The following AFAP1L1 variants were observed in gnomAD, a reference collection of about 807,000 sequenced individuals.
AFAP1L1 encodes the protein actin filament associated protein 1 like 1, also known as actin filament-associated protein 1-like 1.
In AFAP1L1, 77 loss-of-function variants were observed where a neutral mutation model predicts 99.8. The observed-to-expected ratio is 0.77, with a 90% CI of 0.64 to 0.93. The LOEUF is 0.93. Among genes scored for constraint, AFAP1L1 ranks in the 40% least tolerant of loss-of-function variants. The pLI is 0.00. For missense variants in AFAP1L1, 893 were observed against 996.8 expected (o/e 0.90, Z 1.40); for synonymous variants, 373 against 395.3 (o/e 0.94, Z 0.67).
At position 149,306,402 on chromosome 5, in the gene AFAP1L1, C is replaced by G; in HGVS notation, c.533C>G (p.Ser178Cys). 1 of 1,608,798 alleles carries G rather than the reference C, an allele frequency of 6.2e-7. No individual in the cohort carries two copies. The highest frequency in any genetic ancestry group is 8.5e-7 in the Non-Finnish European group (1 of 1,177,280). The part of the protein sequence containing the change: ...ATRVNGELKS[S>C]YNDSDAMSSS... ...AGGGTGAACGGCGAGCTTAAGAGCT[C>G]CTGTAAGTACCAGGTGGGCGTCCAG... Residue 178 changes from serine (S) to cysteine (C), a missense_variant and splice_region_variant, in exon 6 of 19, where the codon TCC (serine) becomes TGC (cysteine). Coordinates refer to ENST00000296721, the MANE Select transcript of AFAP1L1 (RefSeq NM_152406.4).
chr5:149,336,247 T>G (rs557277719), intron 18 of AFAP1L1, among the ~76,000 whole-genome samples: 1 of 152,212 alleles, frequency 6.6e-6, no homozygotes, highest in Non-Finnish European at 1.5e-5. Context: ...GGTGGTACCA[T>G]GTAAGCAAAC....
intron 16 of AFAP1L1, 65 bp downstream of exon 16, chr5:149,329,895 G>A: frequency 7.0e-7 from 1 of 1,433,626 alleles, no homozygotes; most frequent in Non-Finnish European, 9.2e-7. Context: ...TACAGTAAAG[G>A]GAGGTCTCTT....
chr5:149,329,444 ACTGT>A (rs1757188142), intron 15 of AFAP1L1, among the ~76,000 whole-genome samples: 1 of 152,150 alleles, frequency 6.6e-6, no homozygotes, highest in African/African-American at 2.4e-5. Flanking sequence ...CAAATCTCAG[ACTGT>A]CTGTTCCAAG....
chr5:149,293,816 A>G (rs767878762), intron 1 of AFAP1L1, among the ~76,000 whole-genome samples: 2 of 152,190 alleles, frequency 1.3e-5, no homozygotes, highest in East Asian at 3.8e-4. Context: ...TTCCAGCCCT[A>G]TGCGGTTGGG....
intron 15 of AFAP1L1, among the ~76,000 whole-genome samples, chr5:149,326,133 G>A (rs893340825): frequency 6.6e-6 from 1 of 152,178 alleles, no homozygotes; most frequent in Non-Finnish European, 1.5e-5. Flanking sequence ...CAGAGTGTGG[G>A]AAAGTGTAAA....
Position 149,271,925 on chromosome 5 carries a change from C to A in AFAP1L1, c.-44C>A, listed in dbSNP as rs559565437. On this transcript the variant is annotated 5_prime_UTR_variant, in exon 1 of 19. Transcript: ENST00000296721. ...CCGGCCGCTACCAGCCGCGCCGGAG[C>A]CCCTGCGCCCTGCGGCCCGCTCCCC... The A allele has an allele frequency of 1.6e-6, 2 of 1,219,564 alleles. No homozygotes were observed. The highest frequency in any genetic ancestry group is 8.2e-5 in the South Asian group (2 of 24,262). The allele number at this position is 1,219,564 out of a possible 1,614,324, so 75.5% of individuals were successfully genotyped here.
chr5:149,276,670 T>C (rs940694883), intron 1 of AFAP1L1: 4 of 67,938 alleles, frequency 5.9e-5, no homozygotes, highest in Admixed American at 2.1e-4. Context: ...GTAATTACAA[T>C]TTTTTTTTCC....
At position 149,317,885 on chromosome 5, in the gene AFAP1L1, G is replaced by A. The variant is rs141357304; in HGVS notation, c.1424G>A (p.Arg475Gln). Residue 475 changes from arginine to glutamine, a missense_variant, in exon 12 of 19, where the codon CGA (arginine) becomes CAA (glutamine). Coordinates refer to ENST00000296721, the MANE Select transcript of AFAP1L1 (RefSeq NM_152406.4). ...GCEVAPGFGP[R>Q]HPFAFRILRN... ...GAGGTGGCCCCGGGCTTTGGGCCCC[G>A]ACACCCATTTGCCTTCAGGATCCTG... The A allele has an allele frequency of 9.3e-5, 149 of 1,598,458 alleles. No homozygotes were observed. The highest frequency in any genetic ancestry group is 4.9e-4 in the Middle Eastern group (3 of 6,064).
At chr5:149,298,683 A>C (rs548297456) in intron 1 of AFAP1L1, among the ~76,000 whole-genome samples, 1 of 152,276 alleles carries the variant, frequency 6.6e-6, no homozygotes, top group East Asian at 1.9e-4. Context: ...TCTAAGGCAA[A>C]CCAAGTCCCA....
chr5:149,296,246 C>G (rs1399235952), intron 1 of AFAP1L1, among the ~76,000 whole-genome samples: 3 of 152,238 alleles, frequency 2.0e-5, no homozygotes, highest in Admixed American at 1.3e-4. Context: ...GTTGCCCAGT[C>G]TGATCTCAAA....
intron 1 of AFAP1L1, 32 bp downstream of exon 1, chr5:149,272,016 C>T (rs1482319769): frequency 3.2e-6 from 4 of 1,231,044 alleles, no homozygotes; most frequent in Non-Finnish European, 3.1e-6. Flanking sequence ...GCACTTGTTG[C>T]GGCGCCGGGC....
At chr5:149,296,057 C>T (rs774037094) in intron 1 of AFAP1L1, among the ~76,000 whole-genome samples, 5 of 152,062 alleles carry the variant, frequency 3.3e-5, no homozygotes, top group East Asian at 3.9e-4. Context: ...TTTTTAAGAA[C>T]GGGTTTTGCT....
chr5:149,340,524 T>G lies in AFAP1L1; in HGVS notation c.*494T>G, dbSNP rs813035. On this transcript the variant is annotated 3_prime_UTR_variant, in exon 19 of 19. Transcript: ENST00000296721. ...ATTGGGCATTACTAACAACCCCTGG[T>G]CAAGGTAAATAGGTTGAACAATCAA... 0.57 allele frequency: 88,184 copies of G among 155,726 alleles called. 26,008 individuals carry two copies. The highest frequency in any genetic ancestry group is 0.73 in the African/African-American group (30,221 of 41,542). 9.6% of individuals were successfully genotyped at this position (155,726 alleles called of 1,614,324 possible).
intron 1 of AFAP1L1, chr5:149,276,820 G>A (rs560587570): frequency 7.2e-5 from 11 of 152,322 alleles, no homozygotes; most frequent in Non-Finnish European, 1.5e-4. Context: ...CTCAAAGACA[G>A]GGAACAGGTT....
At chr5:149,289,453 G>C (rs1755785464) in intron 1 of AFAP1L1, among the ~76,000 whole-genome samples, 1 of 147,750 alleles carries the variant, frequency 6.8e-6, no homozygotes, top group Admixed American at 6.8e-5. Context: ...TTGCAGCTGG[G>C]TTTTTTTTTT....
At chr5:149,331,052 AG>A (rs1238985997) in intron 16 of AFAP1L1, among the ~76,000 whole-genome samples, 6 of 152,114 alleles carry the variant, frequency 3.9e-5, no homozygotes, top group Non-Finnish European at 8.8e-5. Context: ...AGCCTCCCTC[AG>A]GGCAAAGAAT....
intron 16 of AFAP1L1, among the ~76,000 whole-genome samples, chr5:149,331,598 T>C (rs922681235): frequency 7.4e-5 from 11 of 149,440 alleles, no homozygotes; most frequent in Admixed American, 6.7e-4. Context: ...CCAGCCTGGG[T>C]GACAGAGCGA....
chr5:149,309,094 A>C (rs1395359845), intron 7 of AFAP1L1, among the ~76,000 whole-genome samples: 2 of 152,148 alleles, frequency 1.3e-5, no homozygotes, highest in African/African-American at 2.4e-5. Context: ...GTGGGTGATA[A>C]AGCAAGACCC....
At chr5:149,333,256 C>T (rs1234479824) in intron 17 of AFAP1L1, among the ~76,000 whole-genome samples, 3 of 152,180 alleles carry the variant, frequency 2.0e-5, no homozygotes, top group Non-Finnish European at 4.4e-5. Flanking sequence ...CATGGCAGTC[C>T]TATGAGGTAG....
Sources: gnomAD v4.1 joint callset for allele counts (sites outside exome capture counted in the v4.1 genomes callset) on GRCh38, gnomAD v4.1.1 for gene constraint, MANE v1.5 for transcripts, NCBI Gene and HGNC (gene_info 2026-07-23, HGNC 2026-07-21) for gene names.